MYOM2: variants seen among roughly 807,000 people sequenced by gnomAD.
MYOM2 encodes myomesin 2, also known as myomesin-2.
A neutral mutation model predicts 187.6 loss-of-function variants in MYOM2; 254 were observed. The ratio of observed to expected loss-of-function variants is 1.35; its 90% CI spans 1.22 to 1.50. The LOEUF is 1.50. Among genes scored for constraint, MYOM2 ranks in the 40% most tolerant of loss-of-function variants. MYOM2 has a pLI of 0.00. For missense variants in MYOM2, 2,796 were observed against 1,924.0 expected (o/e 1.45, Z -8.48); for synonymous variants, 981 against 753.8 (o/e 1.30, Z -4.94).
At position 2,129,150 on chromosome 8, in the gene MYOM2, G is replaced by C. The variant is rs1015938465; in HGVS notation, c.3718G>C (p.Val1240Leu). 1 of 1,609,660 alleles carries C rather than the reference G, an allele frequency of 6.2e-7. No homozygotes were observed. The highest frequency in any genetic ancestry group is 8.5e-7 in the Non-Finnish European group (1 of 1,176,224). Reference protein sequence around the residue: ...VCGKSASPLKVLCTPEGIRLQ... With the variant: ...VCGKSASPLKLLCTPEGIRLQ... Reference sequence around the variant, plus strand: ...AGGGAAATCTGCTTCGCCACTGAAGGTACTCTGCACCCCAGAAGGAATACG... The same window carrying C: ...AGGGAAATCTGCTTCGCCACTGAAGCTACTCTGCACCCCAGAAGGAATACG... Residue 1240 changes from valine (V) to leucine (L), a missense_variant, in exon 32 of 37, where the codon GTA (valine) becomes CTA (leucine). Transcript: ENST00000262113.
At chr8:2,079,224 T>A (rs1007412353) in intron 12 of MYOM2, among the ~76,000 whole-genome samples, 1 of 152,052 alleles carries the variant, frequency 6.6e-6, no homozygotes, top group Non-Finnish European at 1.5e-5. Context: ...CCATTGGTGA[T>A]ATAATTTCAA....
intron 28 of MYOM2, among the ~76,000 whole-genome samples, chr8:2,118,549 T>C (rs1797322166): frequency 6.6e-6 from 1 of 152,068 alleles, no homozygotes; most frequent in African/African-American, 2.4e-5. Flanking sequence ...ACAGTTTCAA[T>C]AAAGAGATGA....
Position 2,109,391 on chromosome 8 carries a change from G to C in MYOM2, c.3044-4G>C, listed in dbSNP as rs773318533. On this transcript the variant is annotated splice_region_variant and splice_polypyrimidine_tract_variant and intron_variant, in intron 24 of 36. Coordinates refer to ENST00000262113, the MANE Select transcript of MYOM2 (RefSeq NM_003970.4). Reference sequence around the variant, plus strand: ...TTGACTTGCGATTTCTTTTCTTCCTGTAGCAATTCCTCTGAAATCGGAATT... The same window carrying C: ...TTGACTTGCGATTTCTTTTCTTCCTCTAGCAATTCCTCTGAAATCGGAATT... 2.5e-6 allele frequency: 4 copies of C among 1,598,404 alleles called. No homozygotes were observed. In the Admixed American group the frequency reaches 7.1e-5, roughly 28 times the overall value.
At chr8:2,060,115 C>CT (rs1306435493) in intron 6 of MYOM2, among the ~76,000 whole-genome samples, 1 of 152,180 alleles carries the variant, frequency 6.6e-6, no homozygotes, top group Non-Finnish European at 1.5e-5. Flanking sequence ...ACGGTTTTTA[C>CT]TTTTCACAAA....
chr8:2,110,374 C>T (rs997701301), intron 25 of MYOM2, among the ~76,000 whole-genome samples: 9 of 152,272 alleles, frequency 5.9e-5, no homozygotes, highest in Non-Finnish European at 1.2e-4. Context: ...GACACCGCCT[C>T]GGTTCTGCTT....
At chr8:2,140,661 T>TA in intron 32 of MYOM2, 62 bp from the exon 33 acceptor site, 2 of 1,552,020 alleles carry the variant, frequency 1.3e-6, no homozygotes, top group Non-Finnish European at 1.8e-6. Flanking sequence ...CATTGCCCTG[T>TA]AGACATTGTG....
chr8:2,129,258 G>C (rs1563076153), intron 32 of MYOM2, 26 bp downstream of exon 32: 2 of 1,534,854 alleles, frequency 1.3e-6, no homozygotes, highest in Admixed American at 1.7e-5. Context: ...GCCGATGGAG[G>C]CCATGCCATA....
chr8:2,050,396 T>TA (rs2129326809), intron 1 of MYOM2, among the ~76,000 whole-genome samples: 1 of 152,380 alleles, frequency 6.6e-6, no homozygotes, highest in African/African-American at 2.4e-5. Flanking sequence ...AGTGTTTGTT[T>TA]ACTTCTCTAA....
At chr8:2,083,098 T>C (rs906421065) in intron 13 of MYOM2, among the ~76,000 whole-genome samples, 1 of 152,332 alleles carries the variant, frequency 6.6e-6, no homozygotes, top group Non-Finnish European at 1.5e-5. Context: ...AAATAAGATA[T>C]TGAATGTGAA....
At chr8:2,136,475 A>C (rs1798074395) in intron 32 of MYOM2, among the ~76,000 whole-genome samples, 1 of 152,152 alleles carries the variant, frequency 6.6e-6, no homozygotes, top group African/African-American at 2.4e-5. Context: ...TCACTGGCTG[A>C]GATTTGGGTT....
At chr8:2,072,696 C>A (rs941768297) in intron 9 of MYOM2, among the ~76,000 whole-genome samples, 187 bp downstream of exon 9, 2 of 152,214 alleles carry the variant, frequency 1.3e-5, no homozygotes, top group East Asian at 3.9e-4. Context: ...CCAGGAGAAT[C>A]CTGGAGAGGG....
intron 14 of MYOM2, among the ~76,000 whole-genome samples, chr8:2,086,705 G>C (rs1796095454): frequency 6.6e-6 from 1 of 152,264 alleles, no homozygotes; most frequent in Non-Finnish European, 1.5e-5. Flanking sequence ...TGAGCAGGGA[G>C]TCGCTTCCCT....
At chr8:2,096,855 G>A (rs1016427867) in intron 18 of MYOM2, among the ~76,000 whole-genome samples, 12 of 152,152 alleles carry the variant, frequency 7.9e-5, no homozygotes, top group African/African-American at 2.7e-4. Flanking sequence ...CCATTTCCCT[G>A]AGACATTCTT....
At chr8:2,143,870 T>A (rs1477391400) in intron 36 of MYOM2, among the ~76,000 whole-genome samples, 1 of 152,192 alleles carries the variant, frequency 6.6e-6, no homozygotes, top group Non-Finnish European at 1.5e-5. Flanking sequence ...ACAGCACAGC[T>A]TTTACAACAC....
intron 32 of MYOM2, among the ~76,000 whole-genome samples, chr8:2,139,269 G>C (rs936423282): frequency 6.6e-6 from 1 of 152,196 alleles, no homozygotes; most frequent in Non-Finnish European, 1.5e-5. Flanking sequence ...AGCCTCCTGA[G>C]TAGCTGAGAC....
Position 2,124,183 on chromosome 8 carries a change from T to A in MYOM2, c.3660T>A (p.Tyr1220Ter). The change falls in exon 31 of 37, where the codon TAT becomes TAA. Residue 1220 changes from tyrosine to a stop codon, truncating the protein, a stop_gained. Coordinates refer to ENST00000262113, the MANE Select transcript of MYOM2 (RefSeq NM_003970.4). LOFTEE classifies it high-confidence loss of function. ...CGTATCCCTTCTCATTTTCAGTGTA[T>A]GATGATATGATTTTGGCAATGAGTA... ...VSILEIAGKV[Y>*]DDMILAMSRV... is the part of the protein sequence containing the mutation. 6.2e-7 allele frequency: 1 copy of A among 1,612,620 alleles called. No homozygotes were observed.
At position 2,102,757 on chromosome 8, in the gene MYOM2, C is replaced by G. The variant is rs749206200; in HGVS notation, c.2710C>G (p.Pro904Ala). 49 of 1,613,742 alleles carry G rather than the reference C, an allele frequency of 3.0e-5. No homozygotes were observed. The highest frequency in any genetic ancestry group is 4.5e-5 in the East Asian group (2 of 44,894). The change falls in exon 21 of 37, where the codon CCT becomes GCT. Residue 904 changes from proline (P) to alanine (A), a missense_variant. By Grantham distance (27) the Pro-to-Ala change is conservative. Transcript: ENST00000262113. ...GVGKPSDTSE[P>A]VLVEARPGTK... Reference sequence around the variant, plus strand: ...GGGGAAGCCCTCAGACACGTCGGAGCCTGTGCTGGTAGAGGCGAGACCAGG... The same window carrying G: ...GGGGAAGCCCTCAGACACGTCGGAGGCTGTGCTGGTAGAGGCGAGACCAGG...
Position 2,144,648 on chromosome 8 carries a change from C to G in MYOM2, c.4081-16C>G. 1 of 1,611,478 alleles carries G rather than the reference C, an allele frequency of 6.2e-7. No individual in the cohort carries two copies. The highest frequency in any genetic ancestry group is 1.7e-5 in the Admixed American group (1 of 58,772). ...TTTCTAACTCTTCCTTCTCCACCAA[C>G]CTCTTCCGTCCAAAGACCTTGAATC... On this transcript the variant is annotated splice_polypyrimidine_tract_variant and intron_variant, in intron 36 of 36. Coordinates refer to ENST00000262113, the MANE Select transcript of MYOM2 (RefSeq NM_003970.4).
In MYOM2 at chr8:2,110,731, C is replaced by T. The variant is rs74404333; in HGVS notation, c.3180+1200C>T. 2.3e-3 allele frequency among the ~76,000 whole-genome samples: 344 copies of T among 152,304 alleles called. 9 individuals are homozygous for T. In the East Asian group the frequency reaches 0.057, roughly 25 times the overall value. On this transcript the variant is annotated intron_variant, in intron 25 of 36. Coordinates refer to ENST00000262113, the MANE Select transcript of MYOM2 (RefSeq NM_003970.4). ...GGGATGCAGGAGCCTCTCATGCTCC[C>T]GGGCAGCCCCCCTACCATATTTCTA...
Sources: gnomAD v4.1 joint callset for allele counts (sites outside exome capture counted in the v4.1 genomes callset) on GRCh38, gnomAD v4.1.1 for gene constraint, MANE v1.5 for transcripts, NCBI Gene and HGNC (gene_info 2026-07-23, HGNC 2026-07-21) for gene names.